Variants in NDFIP1 observed in about 807,000 individuals in gnomAD.
NDFIP1 encodes the protein NEDD4 family-interacting protein 1.
A neutral mutation model predicts 28.8 loss-of-function variants in NDFIP1; 7 were observed. The observed-to-expected ratio is 0.24, with a 90% CI of 0.14 to 0.46. The LOEUF is 0.46. Ranked by LOEUF, NDFIP1 falls within the 20% of genes least tolerant of loss-of-function variation. The pLI is 0.99. For missense variants in NDFIP1, 194 were observed against 269.1 expected (o/e 0.72, Z 1.95); for synonymous variants, 92 against 101.0 (o/e 0.91, Z 0.53).
intron 7 of NDFIP1, among the ~76,000 whole-genome samples, chr5:142,150,724 A>G (rs1269759328): frequency 6.7e-6 from 1 of 149,278 alleles, no homozygotes; most frequent in Admixed American, 6.7e-5. Flanking sequence ...TTGTCTCCAA[A>G]AAAAAAAAAA....
intron 7 of NDFIP1, among the ~76,000 whole-genome samples, chr5:142,145,971 A>T (rs1757384376): frequency 6.6e-6 from 1 of 152,222 alleles, no homozygotes; most frequent in Admixed American, 6.5e-5. Context: ...AGCATCTACC[A>T]TAGTTGATTT....
intron 6 of NDFIP1, among the ~76,000 whole-genome samples, chr5:142,142,681 A>G (rs1757343693): frequency 6.6e-6 from 1 of 151,852 alleles, no homozygotes; most frequent in East Asian, 1.9e-4. Flanking sequence ...TAATCCCAGC[A>G]CTTTGGGAGG....
intron 1 of NDFIP1, among the ~76,000 whole-genome samples, chr5:142,117,797 G>A (rs959107029): frequency 1.6e-4 from 22 of 139,386 alleles, no homozygotes; most frequent in African/African-American, 5.5e-4. Context: ...ACATAGTCTC[G>A]GCTCACTGCA....
intron 7 of NDFIP1, among the ~76,000 whole-genome samples, chr5:142,148,749 T>TC (rs1757416274): frequency 5.0e-5 from 1 of 19,950 alleles, no homozygotes; most frequent in Non-Finnish European, 9.1e-5. Context: ...AGACTCTGTC[T>TC]CAAAAAAAAA....
chr5:142,149,568 A>C (rs943273686), intron 7 of NDFIP1, among the ~76,000 whole-genome samples: 6 of 151,898 alleles, frequency 4.0e-5, no homozygotes, highest in African/African-American at 1.5e-4. Context: ...CAAGCCTCCA[A>C]GTCTCAGACA....
At chr5:142,145,957 A>G (rs1757384270) in intron 7 of NDFIP1, among the ~76,000 whole-genome samples, 1 of 152,194 alleles carries the variant, frequency 6.6e-6, no homozygotes, top group East Asian at 1.9e-4. Flanking sequence ...CTTCAAGAAA[A>G]TAAAGCATCT....
intron 7 of NDFIP1, among the ~76,000 whole-genome samples, chr5:142,148,382 G>A (rs760332265): frequency 6.6e-6 from 1 of 152,194 alleles, no homozygotes; most frequent in Non-Finnish European, 1.5e-5. Flanking sequence ...GTATTAATAA[G>A]CTGTTATCTG....
chr5:142,146,887 A>T (rs1757394897), intron 7 of NDFIP1, among the ~76,000 whole-genome samples: 1 of 152,154 alleles, frequency 6.6e-6, no homozygotes, highest in Non-Finnish European at 1.5e-5. Context: ...AAATTTCTGA[A>T]ATGTTTTTTG....
intron 1 of NDFIP1, among the ~76,000 whole-genome samples, chr5:142,125,185 A>G (rs533431603): frequency 2.6e-5 from 4 of 152,204 alleles, no homozygotes; most frequent in African/African-American, 7.2e-5. Context: ...TTCTGGGTGA[A>G]TAATATTTCA....
Position 142,108,982 on chromosome 5 carries a change from T to TGGCGTTGGC in NDFIP1, c.13_21dup (p.Leu8_Ala10dup). The TGGCGTTGGC allele has an allele frequency of 2.8e-6, 4 of 1,446,748 alleles. No homozygotes were observed. The highest frequency in any genetic ancestry group is 1.5e-5 in the African/African-American group (1 of 67,740). 89.6% of individuals were successfully genotyped at this position (1,446,748 alleles called of 1,614,324 possible). On this transcript the variant is annotated inframe_insertion, in exon 1 of 8. Transcript: ENST00000253814. The stretch of plus-strand genomic sequence containing the variant: ...CCTGCTGCCGGCTGCGCCATGGCGT[T>TGGCGTTGGC]GGCGTTGGCGGCGCTGGCGGCGGTC...
intron 6 of NDFIP1, 63 bp from the exon 7 acceptor site, chr5:142,144,508 T>C (rs1757368188): frequency 8.3e-7 from 1 of 1,210,792 alleles, no homozygotes; most frequent in Admixed American, 1.9e-5. Flanking sequence ...GAGAGGGATT[T>C]CTGGGGAGGG....
At chr5:142,123,408 A>G (rs1757140373) in intron 1 of NDFIP1, among the ~76,000 whole-genome samples, 1 of 152,194 alleles carries the variant, frequency 6.6e-6, no homozygotes, top group Admixed American at 6.5e-5. Context: ...TGCTGGGATT[A>G]CAGGTGAGAT....
chr5:142,147,723 CAGTG>C (rs1266798994), intron 7 of NDFIP1, among the ~76,000 whole-genome samples: 1 of 152,166 alleles, frequency 6.6e-6, no homozygotes, highest in African/African-American at 2.4e-5. Flanking sequence ...CTGTCATGTA[CAGTG>C]ATTCTTCTAG....
At chr5:142,131,228 C>T (rs1757224040) in intron 1 of NDFIP1, among the ~76,000 whole-genome samples, 1 of 151,984 alleles carries the variant, frequency 6.6e-6, no homozygotes, top group African/African-American at 2.4e-5. Context: ...CCTAGGCCTC[C>T]CAGAGTGCTA....
In NDFIP1 at chr5:142,109,319, C is replaced by A. The variant is rs564904348; in HGVS notation, c.63+282C>A. Among the ~76,000 whole-genome samples, 8 of 152,344 alleles carry A rather than the reference C, an allele frequency of 5.3e-5. No individual in the cohort carries two copies. In the East Asian group the frequency reaches 1.5e-3, roughly 29 times the overall value. On this transcript the variant is annotated intron_variant, in intron 1 of 7. Coordinates refer to ENST00000253814, the MANE Select transcript of NDFIP1 (RefSeq NM_030571.4). ...GGCGGGCGGGTCCCTGAGTCAGAAC[C>A]CGCGACCCACAGGCGGCATCGATCT...
chr5:142,148,777 A>AAAAAAG lies in NDFIP1; in HGVS notation c.*3-2954_*3-2953insAAAAAG, dbSNP rs745772278. 1.7e-3 allele frequency among the ~76,000 whole-genome samples: 161 copies of AAAAAAG among 95,990 alleles called. 35 individuals carry two copies. The highest frequency in any genetic ancestry group is 4.2e-3 in the African/African-American group (117 of 28,168). The allele number at this position is 95,990 out of a possible 152,430, so 63.0% of individuals were successfully genotyped here. A position where few individuals can be genotyped will look rare whatever the true frequency, so the allele number is the denominator to read the frequency against. ...AAAAAAAAAAAAAAAAAAAAAAAAA[A>AAAAAAG]GTATGTGACTGAGGAAGCAGAAGAA... On this transcript the variant is annotated intron_variant, in intron 7 of 7. Transcript: ENST00000253814.
At chr5:142,121,446 C>G (rs543773805) in intron 1 of NDFIP1, among the ~76,000 whole-genome samples, 4 of 152,232 alleles carry the variant, frequency 2.6e-5, no homozygotes, top group African/African-American at 9.6e-5. Flanking sequence ...TATAGATATA[C>G]CTTGTGCAAA....
intron 1 of NDFIP1, among the ~76,000 whole-genome samples, chr5:142,124,124 G>T (rs1757147112): frequency 6.6e-6 from 1 of 152,034 alleles, no homozygotes; most frequent in South Asian, 2.1e-4. Flanking sequence ...CAAGCTGGGT[G>T]CCAGAAAACA....
intron 1 of NDFIP1, among the ~76,000 whole-genome samples, chr5:142,130,363 A>G (rs1757214611): frequency 6.6e-6 from 1 of 152,246 alleles, no homozygotes; most frequent in South Asian, 2.1e-4. Flanking sequence ...AGATAGGGAA[A>G]AGGGATATCT....
Sources: gnomAD v4.1 joint callset for allele counts (sites outside exome capture counted in the v4.1 genomes callset) on GRCh38, gnomAD v4.1.1 for gene constraint, MANE v1.5 for transcripts, NCBI Gene and HGNC (gene_info 2026-07-23, HGNC 2026-07-21) for gene names.